Variants in METTL25 observed in about 807,000 individuals in gnomAD.
METTL25 encodes probable methyltransferase-like protein 25.
In METTL25, 64 loss-of-function variants were observed where a neutral mutation model predicts 71.6. The observed-to-expected ratio is 0.89, with a 90% confidence interval of 0.73 to 1.10. The LOEUF (loss-of-function observed/expected upper bound fraction) is 1.10, where lower values mean the gene tolerates loss of function less well. Ranked by LOEUF, METTL25 falls within the 50% of genes least tolerant of loss-of-function variation. The probability of loss-of-function intolerance (pLI) is 0.00; values close to 1 mark genes in which losing one functional copy is unlikely to be tolerated. For missense variants in METTL25, 807 were observed against 707.0 expected, an observed-to-expected ratio of 1.14 and a Z score of -1.60; for synonymous variants, 287 against 250.3, an observed-to-expected ratio of 1.15 and a Z score of -1.38.
chr12:82,408,597 C>CGTGTGT (rs56872887), intron 5 of METTL25, among the ~76,000 whole-genome samples: 114,245 of 147,652 alleles, frequency 0.77, 44,798 homozygotes, highest in East Asian at 0.87. Context: ...GATGTGACTC[C>CGTGTGT]GTGTGTGTGT....
chr12:82,360,617 C>G (rs1428023187), intron 1 of METTL25, among the ~76,000 whole-genome samples: 2 of 152,060 alleles, frequency 1.3e-5, no homozygotes, highest in African/African-American at 4.8e-5. Flanking sequence ...ATGAAGATCT[C>G]TGGAGGGAAA....
At chr12:82,410,724 A>C (rs4242864) in intron 5 of METTL25, among the ~76,000 whole-genome samples, 139,949 of 152,054 alleles carry the variant, frequency 0.92, 64,767 homozygotes, top group East Asian at 1. Flanking sequence ...AAAGGAGGAA[A>C]CTATGAGCCA....
At chr12:82,462,851 T>G (rs1267639081) in intron 9 of METTL25, among the ~76,000 whole-genome samples, 2 of 152,134 alleles carry the variant, frequency 1.3e-5, no homozygotes, top group Non-Finnish European at 2.9e-5. Flanking sequence ...TCCTGTATAC[T>G]TTAGATAATC....
chr12:82,372,057 T>C (rs1883294665), intron 1 of METTL25, among the ~76,000 whole-genome samples: 1 of 152,178 alleles, frequency 6.6e-6, no homozygotes, highest in South Asian at 2.1e-4. Flanking sequence ...CTCCAAACTC[T>C]CGTGCTGCAG....
At chr12:82,458,456 G>A (rs1393171116) in intron 9 of METTL25, among the ~76,000 whole-genome samples, 10 of 152,060 alleles carry the variant, frequency 6.6e-5, no homozygotes, top group Admixed American at 3.3e-4. Context: ...AGCAGAAACC[G>A]CCACAGAAAC....
intron 9 of METTL25, among the ~76,000 whole-genome samples, chr12:82,467,715 C>A (rs888804211): frequency 5.3e-5 from 8 of 151,900 alleles, no homozygotes; most frequent in African/African-American, 1.9e-4. Context: ...TTTTAGAATT[C>A]TTTATTTGTT....
chr12:82,403,282 C>T (rs1333520355), intron 5 of METTL25, 152 bp downstream of exon 5: 7 of 703,306 alleles, frequency 1.0e-5, no homozygotes, highest in Non-Finnish European at 1.4e-5. Flanking sequence ...TTTAGTGTTA[C>T]GGTGTTATTG....
At chr12:82,464,706 A>G (rs1892115327) in intron 9 of METTL25, among the ~76,000 whole-genome samples, 1 of 151,830 alleles carries the variant, frequency 6.6e-6, no homozygotes, top group Non-Finnish European at 1.5e-5. Context: ...TTTGGGTAGT[A>G]TGGTCATTTT....
chr12:82,404,555 C>T (rs1019886360), intron 5 of METTL25, among the ~76,000 whole-genome samples: 1 of 151,958 alleles, frequency 6.6e-6, no homozygotes, highest in Admixed American at 6.6e-5. Flanking sequence ...TAAGTGCTTC[C>T]TTTTGGGGTT....
intron 1 of METTL25, among the ~76,000 whole-genome samples, chr12:82,359,099 A>C (rs1186901878): frequency 2.0e-5 from 3 of 152,168 alleles, no homozygotes; most frequent in Non-Finnish European, 4.4e-5. Context: ...GTAATTCCAT[A>C]ATAATTGACG....
At chr12:82,422,886 A>G (rs1242475558) in intron 5 of METTL25, among the ~76,000 whole-genome samples, 1 of 152,112 alleles carries the variant, frequency 6.6e-6, no homozygotes, top group East Asian at 1.9e-4. Flanking sequence ...ACTGCTCAAC[A>G]AAATAAAAGA....
rs188434124 is a variant in METTL25 at position 82,367,968 on chromosome 12, A to C, written c.259+9144A>C. The stretch of plus-strand genomic sequence containing the variant: ...GCAGCTCAATTTCCCCTTTTGAAAA[A>C]TGGGAATCCTAATTCTTGTCTGAAA... On this transcript the variant is annotated intron_variant, in intron 1 of 11. Transcript: ENST00000248306. 1.4e-4 allele frequency among the ~76,000 whole-genome samples: 22 copies of C among 152,304 alleles called. No individual in the cohort carries two copies. In the East Asian group the frequency reaches 4.0e-3, roughly 28 times the overall value.
intron 5 of METTL25, among the ~76,000 whole-genome samples, chr12:82,429,719 T>G (rs2137141887): frequency 6.6e-6 from 1 of 151,826 alleles, no homozygotes; most frequent in African/African-American, 2.4e-5. Flanking sequence ...CTTGGCCATT[T>G]ATATGCCAAC....
intron 8 of METTL25, chr12:82,439,919 C>G: frequency 1.5e-6 from 1 of 676,378 alleles, no homozygotes; most frequent in Non-Finnish European, 1.8e-6. Flanking sequence ...CTAAACCTTT[C>G]TTCTCACTTA....
intron 8 of METTL25, among the ~76,000 whole-genome samples, chr12:82,454,934 G>A (rs550560609): frequency 3.3e-5 from 5 of 151,910 alleles, no homozygotes; most frequent in East Asian, 3.9e-4. Context: ...TATGTGTTAC[G>A]AAATTTAATC....
chr12:82,446,868 C>T (rs1183844624), intron 8 of METTL25, among the ~76,000 whole-genome samples: 4 of 152,026 alleles, frequency 2.6e-5, no homozygotes, highest in Admixed American at 6.6e-5. Context: ...CTGCCTGCCT[C>T]GGTCTCCCAA....
intron 5 of METTL25, chr12:82,407,711 A>T: frequency 1.7e-6 from 1 of 581,076 alleles, no homozygotes; most frequent in Non-Finnish European, 2.2e-6. Context: ...GAGTACCCTC[A>T]AATACTTCGG....
chr12:82,424,427 C>A (rs1888817817), intron 5 of METTL25, among the ~76,000 whole-genome samples: 1 of 151,950 alleles, frequency 6.6e-6, no homozygotes, highest in Non-Finnish European at 1.5e-5. Context: ...AGGAGATATA[C>A]CTAATGTAAA....
chr12:82,394,732 T>G (rs765529685), intron 3 of METTL25, among the ~76,000 whole-genome samples: 7 of 151,908 alleles, frequency 4.6e-5, no homozygotes, highest in Non-Finnish European at 1.0e-4. Flanking sequence ...ATTTTAAAGA[T>G]GAAAAATTAA....
Sources: gnomAD v4.1 joint callset for allele counts (sites outside exome capture counted in the v4.1 genomes callset) on GRCh38, gnomAD v4.1.1 for gene constraint, MANE v1.5 for transcripts, NCBI Gene and HGNC (gene_info 2026-07-23, HGNC 2026-07-21) for gene names.